The following PFKFB2 variants were observed in gnomAD, a reference collection of about 807,000 sequenced individuals.
PFKFB2 encodes 6-phosphofructo-2-kinase/fructose-2,6-biphosphatase 2, also known as 6-phosphofructo-2-kinase/fructose-2,6-bisphosphatase 2.
In PFKFB2, 53 loss-of-function variants were observed where a neutral mutation model predicts 68.0. The ratio of observed to expected loss-of-function variants is 0.78; its 90% CI spans 0.63 to 0.98. PFKFB2 has a LOEUF of 0.98. PFKFB2 is among the 50% of genes least tolerant of loss of function. The pLI, the probability that PFKFB2 is intolerant of heterozygous loss-of-function variation, is 0.00. For synonymous variants in PFKFB2, 222 were observed against 227.6 expected (o/e 0.98, Z 0.22); for missense variants, 451 against 642.0 (o/e 0.70, Z 3.22).
chr1:207,080,279 T>A (rs1179747130), downstream of PFKFB2: 2 of 152,222 alleles, frequency 1.3e-5, no homozygotes, highest in Non-Finnish European at 2.9e-5. Flanking sequence ...TTCTTTTCCT[T>A]TTCACTCAAA....
At chr1:207,041,335 G>T (rs1682477446) in intron 1 of PFKFB2, among the ~76,000 whole-genome samples, 1 of 151,610 alleles carries the variant, frequency 6.6e-6, no homozygotes. Flanking sequence ...CTGCACCCAT[G>T]AACCCGTCAT....
At position 207,074,411 on chromosome 1, in the gene PFKFB2, A is replaced by T. The variant is rs141275871; in HGVS notation, c.*2040A>T. Reference sequence around the variant, plus strand: ...ATTGCTGAGTGATGTGGAACAAATCACTGAATTAAATAATTGTCTCTAGAG... The same window carrying T: ...ATTGCTGAGTGATGTGGAACAAATCTCTGAATTAAATAATTGTCTCTAGAG... On this transcript the variant is annotated 3_prime_UTR_variant, in exon 15 of 15. Transcript: ENST00000367080. 6.8e-4 allele frequency: 674 copies of T among 985,314 alleles called. 1 individual carries two copies. The highest frequency in any genetic ancestry group is 8.0e-4 in the Non-Finnish European group (665 of 829,940). 61.0% of individuals were successfully genotyped at this position (985,314 alleles called of 1,614,324 possible). A position where few individuals can be genotyped will look rare whatever the true frequency, so the allele number is the denominator to read the frequency against.
At chr1:207,053,202 C>G (rs1444563272), upstream of PFKFB2, 1 of 152,402 alleles carries the variant, frequency 6.6e-6, no homozygotes, top group Admixed American at 6.5e-5. Context: ...GGATGATTCT[C>G]TCCAGGTGAG....
upstream of PFKFB2, among the ~76,000 whole-genome samples, chr1:207,051,776 A>G (rs1682758585): frequency 6.6e-6 from 1 of 152,262 alleles, no homozygotes. Context: ...ACTGAATTTC[A>G]AAGCAACGTG....
chr1:207,046,732 A>G (rs2102322970), intron 2 of PFKFB2: 1 of 152,254 alleles, frequency 6.6e-6, no homozygotes, highest in South Asian at 2.1e-4. Context: ...AATTCTGTAA[A>G]ATATCAGTGT....
At chr1:207,045,571 A>C (rs570706183) in intron 2 of PFKFB2, 1 of 151,840 alleles carries the variant, frequency 6.6e-6, no homozygotes, top group South Asian at 2.1e-4. Context: ...AATTCTTAGT[A>C]TGTTTAGGAA....
intron 1 of PFKFB2, among the ~76,000 whole-genome samples, chr1:207,040,954 A>G (rs1682464953): frequency 7.2e-6 from 1 of 138,394 alleles, no homozygotes; most frequent in Admixed American, 7.5e-5. Context: ...TTGAGACAAG[A>G]GTCTCGCTCT....
downstream of PFKFB2, chr1:207,080,608 T>G (rs1343131874): frequency 6.6e-6 from 1 of 152,246 alleles, no homozygotes; most frequent in East Asian, 1.9e-4. Context: ...TGTTTATATT[T>G]AGTTATTTAT....
rs1014291746 is a variant in PFKFB2, at chr1:207,063,680, A to G, written c.451-93A>G. The G allele has an allele frequency of 1.2e-5, 12 of 1,028,602 alleles. No homozygotes were observed. In the Admixed American group the frequency reaches 1.4e-4, roughly 12 times the overall value. The allele number at this position is 1,028,602 out of a possible 1,614,324, so 63.7% of individuals were successfully genotyped here. ...ACTTTCATGAAGAAAATCCTGGGAG[A>G]TGTGGTGGCTGGGTGGGGTAGATGA... On this transcript the variant is annotated intron_variant, in intron 6 of 14. Transcript: ENST00000367080. This position sits in a 1 kb window ranked among gnomAD's most constrained non-coding sequence, Gnocchi z 4.1.
At position 207,075,602 on chromosome 1, in the gene PFKFB2, A is replaced by G; in HGVS notation, c.*3231A>G. On this transcript the variant is annotated 3_prime_UTR_variant, in exon 15 of 15. Coordinates refer to ENST00000367080, the MANE Select transcript of PFKFB2 (RefSeq NM_006212.2). The stretch of plus-strand genomic sequence containing the variant: ...CTGAGGCTGTAAGTTTTGTTTTGTG[A>G]GAAATAGGTAAAGACATTAGCATTT... 2 of 985,380 alleles carry G rather than the reference A, an allele frequency of 2.0e-6. No individual in the cohort carries two copies. The highest frequency in any genetic ancestry group is 2.4e-6 in the Non-Finnish European group (2 of 829,872). The allele number at this position is 985,380 out of a possible 1,614,324, so 61.0% of individuals were successfully genotyped here.
At chr1:207,043,383 TTAAA>T (rs1441637749) in intron 2 of PFKFB2, among the ~76,000 whole-genome samples, 1 of 152,192 alleles carries the variant, frequency 6.6e-6, no homozygotes, top group Admixed American at 6.5e-5. Context: ...AAAGAATGGG[TTAAA>T]TAGTTTAGTT....
intron 11 of PFKFB2, among the ~76,000 whole-genome samples, chr1:207,069,921 G>T (rs1319585557): frequency 6.6e-6 from 1 of 152,156 alleles, no homozygotes; most frequent in Non-Finnish European, 1.5e-5. Flanking sequence ...CTCTAGGGAT[G>T]TGTGAGGCAA....
At chr1:207,049,937 A>C (rs1176861196), upstream of PFKFB2, among the ~76,000 whole-genome samples, 1 of 152,244 alleles carries the variant, frequency 6.6e-6, no homozygotes, top group Non-Finnish European at 1.5e-5. Flanking sequence ...TTGAGGTTGC[A>C]TCCCAATTTA....
rs533541129 is a variant in PFKFB2 at position 207,063,219 on chromosome 1, A to T, written c.375+10A>T. Reference sequence around the variant, plus strand: ...GAATGGTCAGATTGCGGTAAGCTTTATCTGCTGCTTCTTCTTTCTGGTCCC... The same window carrying T: ...GAATGGTCAGATTGCGGTAAGCTTTTTCTGCTGCTTCTTCTTTCTGGTCCC... On this transcript the variant is annotated intron_variant, in intron 5 of 14. Transcript: ENST00000367080. This position sits in a 1 kb window ranked among gnomAD's most constrained non-coding sequence, Gnocchi z 4.1. 8.1e-6 allele frequency: 13 copies of T among 1,612,532 alleles called. 1 individual carries two copies. In the Middle Eastern group the frequency reaches 8.3e-4, roughly 102 times the overall value.
At position 207,070,123 on chromosome 1, in the gene PFKFB2, C is replaced by T. The variant is rs1297186956; in HGVS notation, c.1093-157C>T. ...TGAGTTTTCTCAAGAGATACCAGGG[C>T]TGGGGGCAGTTAGCAGGTGATGTAA... is the stretch of plus-strand genomic sequence containing the variant. On this transcript the variant is annotated intron_variant, in intron 11 of 14. Transcript: ENST00000367080. The surrounding 1 kb of genome is among the most constrained non-coding windows in gnomAD (Gnocchi z 4.2). Among the ~76,000 whole-genome samples, 1 of 152,196 alleles carries T rather than the reference C, an allele frequency of 6.6e-6. No homozygotes were observed. Among genetic ancestry groups the T allele is most frequent in the Non-Finnish European group, 1.5e-5 (1 of 68,026 alleles).
intron 1 of PFKFB2, among the ~76,000 whole-genome samples, chr1:207,041,908 A>G (rs1682485116): frequency 6.6e-6 from 1 of 152,238 alleles, no homozygotes; most frequent in Non-Finnish European, 1.5e-5. Context: ...ACAGATTTTA[A>G]GATGATAGGG....
At chr1:207,035,949 C>T (rs1038995214) in intron 1 of PFKFB2, among the ~76,000 whole-genome samples, 4 of 152,130 alleles carry the variant, frequency 2.6e-5, no homozygotes, top group Admixed American at 1.3e-4. Flanking sequence ...ATGGAACATA[C>T]ACTTATCACA....
At position 207,074,332 on chromosome 1, in the gene PFKFB2, C is replaced by T; in HGVS notation, c.*1961C>T. ...ATGATATAACCCCCTGGAAGGCAGG[C>T]TGCTGTGTTTTAGAGGGTTATTCTA... On this transcript the variant is annotated 3_prime_UTR_variant, in exon 15 of 15. Coordinates refer to ENST00000367080, the MANE Select transcript of PFKFB2 (RefSeq NM_006212.2). The T allele has an allele frequency of 1.0e-6, 1 of 985,406 alleles. No homozygotes were observed. The highest frequency in any genetic ancestry group is 1.7e-5 in the African/African-American group (1 of 57,352). 61.0% of individuals were successfully genotyped at this position (985,406 alleles called of 1,614,324 possible). A position where few individuals can be genotyped will look rare whatever the true frequency, so the allele number is the denominator to read the frequency against.
At chr1:207,046,711 T>C (rs1682607126) in intron 2 of PFKFB2, 1 of 152,080 alleles carries the variant, frequency 6.6e-6, no homozygotes, top group Non-Finnish European at 1.5e-5. Flanking sequence ...GCCCTTACAA[T>C]GAAGGGGTTT....
Sources: allele counts gnomAD v4.1 joint callset (sites outside exome capture counted in the v4.1 genomes callset), GRCh38; gene constraint gnomAD v4.1.1; non-coding constraint Gnocchi (gnomAD v3.1); transcripts MANE v1.5; gene names NCBI Gene and HGNC (gene_info 2026-07-23, HGNC 2026-07-21).